SRC: variants seen among roughly 807,000 people sequenced by gnomAD.
SRC encodes proto-oncogene tyrosine-protein kinase Src.
SRC carries 13 observed loss-of-function variants against 62.9 expected under a neutral mutation model. That is an observed-to-expected ratio of 0.21 (90% CI 0.13 to 0.33). SRC has a LOEUF of 0.33. Among genes scored for constraint, SRC ranks in the 10% least tolerant of loss-of-function variants. The probability of loss-of-function intolerance (pLI) is 1.00; values close to 1 mark genes in which losing one functional copy is unlikely to be tolerated. For missense variants in SRC, 457 were observed against 737.3 expected, an observed-to-expected ratio of 0.62 and a Z score of 4.40; for synonymous variants, 302 against 317.5, an observed-to-expected ratio of 0.95 and a Z score of 0.52.
Position 37,384,532 on chromosome 20 carries a change from A to G in SRC, c.250+129A>G. The G allele has an allele frequency of 1.8e-6, 1 of 562,778 alleles. No individual in the cohort carries two copies. Among genetic ancestry groups the G allele is most frequent in the Non-Finnish European group, 2.4e-6 (1 of 419,530 alleles). 34.9% of individuals were successfully genotyped at this position (562,778 alleles called of 1,614,324 possible). ...TCGCCAGGGGTAGCGCCCCTGGGTG[A>G]CTTGGGTGTCCGGGGGGTGGGGGGG... On this transcript the variant is annotated intron_variant, in intron 4 of 13. Coordinates refer to ENST00000373578, the MANE Select transcript of SRC (RefSeq NM_198291.3). This position sits in a 1 kb window ranked among gnomAD's most constrained non-coding sequence, Gnocchi z 6.7.
chr20:37,392,904 A>C (rs1601009009), intron 5 of SRC, among the ~76,000 whole-genome samples: 2 of 146,888 alleles, frequency 1.4e-5, no homozygotes, highest in African/African-American at 2.5e-5. Context: ...GCCTCTCACC[A>C]CCCCCATCTC....
At chr20:37,371,400 T>C (rs2070163678) in intron 2 of SRC, among the ~76,000 whole-genome samples, 1 of 152,222 alleles carries the variant, frequency 6.6e-6, no homozygotes, top group South Asian at 2.1e-4. Flanking sequence ...ATAATCTTTG[T>C]TTCTTTAAGG....
rs111786850 is a variant in SRC, at chr20:37,355,469, T to C, written c.-247+9214T>C. On this transcript the variant is annotated intron_variant, in intron 1 of 13. Coordinates refer to ENST00000373578, the MANE Select transcript of SRC (RefSeq NM_198291.3). ...TAGGACTCAGTGCTGCCACTGGGAG[T>C]GGCTCCTGGGCTCTGCCCCTGGGTT... Among the ~76,000 whole-genome samples the C allele has an allele frequency of 9.6e-3, 1,461 of 152,080 alleles. 20 individuals carry two copies. Among genetic ancestry groups the C allele is most frequent in the African/African-American group, 0.033 (1,388 of 41,466 alleles).
chr20:37,397,955 A>G lies in SRC; in HGVS notation c.859+101A>G. The G allele has an allele frequency of 2.9e-6, 4 of 1,383,854 alleles. No individual in the cohort carries two copies. In the South Asian group the frequency reaches 5.7e-5, roughly 20 times the overall value. The allele number at this position is 1,383,854 out of a possible 1,614,324, so 85.7% of individuals were successfully genotyped here. On this transcript the variant is annotated intron_variant, in intron 9 of 13. Transcript: ENST00000373578. This position sits in a 1 kb window ranked among gnomAD's most constrained non-coding sequence, Gnocchi z 4.1. Reference sequence around the variant, plus strand: ...CTTTGCCTTTAGCTGCCTCTGCTGGATGACGGGGCCCTGTTGTAAATCTGG... The same window carrying G: ...CTTTGCCTTTAGCTGCCTCTGCTGGGTGACGGGGCCCTGTTGTAAATCTGG...
chr20:37,382,147 C>T (rs2147039362), intron 2 of SRC, among the ~76,000 whole-genome samples: 1 of 152,332 alleles, frequency 6.6e-6, no homozygotes, highest in Non-Finnish European at 1.5e-5. Flanking sequence ...ATTCCCAGGC[C>T]TTCTGCCTCC....
chr20:37,389,728 C>T (rs1288491697), intron 5 of SRC, among the ~76,000 whole-genome samples: 1 of 152,168 alleles, frequency 6.6e-6, no homozygotes, highest in Non-Finnish European at 1.5e-5. Context: ...CTGGCTGGCC[C>T]CAAGGATTAG....
intron 2 of SRC, among the ~76,000 whole-genome samples, chr20:37,378,059 AATTATT>A (rs967786049): frequency 6.6e-6 from 1 of 150,822 alleles, no homozygotes; most frequent in Non-Finnish European, 1.5e-5. Flanking sequence ...TTTTTTTTAA[AATTATT>A]ATTATTATTT....
intron 1 of SRC, among the ~76,000 whole-genome samples, chr20:37,347,834 A>G (rs1022770065): frequency 3.9e-5 from 6 of 152,184 alleles, no homozygotes; most frequent in African/African-American, 1.4e-4. Context: ...GGAAGCTGGA[A>G]TGAAAGCCCA....
intron 9 of SRC, among the ~76,000 whole-genome samples, chr20:37,399,548 CTT>C (rs112296863): frequency 7.8e-5 from 11 of 141,366 alleles, no homozygotes; most frequent in Non-Finnish European, 7.8e-5. Context: ...CTTTTTAGGA[CTT>C]TTTTTTTTTT....
At chr20:37,355,948 G>T (rs2069876877) in intron 1 of SRC, among the ~76,000 whole-genome samples, 1 of 152,204 alleles carries the variant, frequency 6.6e-6, no homozygotes, top group Non-Finnish European at 1.5e-5. Context: ...TTGGGCCTGG[G>T]GGTGATGAGA....
chr20:37,360,525 A>G (rs1488398043), intron 1 of SRC, among the ~76,000 whole-genome samples: 4 of 152,004 alleles, frequency 2.6e-5, no homozygotes, highest in East Asian at 3.9e-4. Flanking sequence ...GTGAGCCACC[A>G]TCTAATGGCC....
At position 37,402,357 on chromosome 20, in the gene SRC, C is replaced by T. The variant is rs1224764255; in HGVS notation, c.1117-78C>T. On this transcript the variant is annotated intron_variant, in intron 11 of 13. Coordinates refer to ENST00000373578, the MANE Select transcript of SRC (RefSeq NM_198291.3). The surrounding 1 kb of genome is among the most constrained non-coding windows in gnomAD (Gnocchi z 6.2). Reference sequence around the variant, plus strand: ...GAGGGTGGGGAAGGGGTGGTTGGCTCTCCAGCCCCAGAGTGCTCTGTGGCC... The same window carrying T: ...GAGGGTGGGGAAGGGGTGGTTGGCTTTCCAGCCCCAGAGTGCTCTGTGGCC... The T allele has an allele frequency of 4.5e-6, 7 of 1,550,680 alleles. No individual in the cohort carries two copies. In the Admixed American group the frequency reaches 1.4e-4, roughly 32 times the overall value.
Position 37,402,637 on chromosome 20 carries a change from G to T in SRC, c.1270+49G>T, listed in dbSNP as rs780665361. ...TCGCGCTTGGCCTGGGACAGGTCAC[G>T]TCCCGCTCTGAGCCCCAGTTTTTTC... On this transcript the variant is annotated intron_variant, in intron 12 of 13. Transcript: ENST00000373578. The surrounding 1 kb of genome is among the most constrained non-coding windows in gnomAD (Gnocchi z 6.2). 1 of 1,580,508 alleles carries T rather than the reference G, an allele frequency of 6.3e-7. No individual in the cohort carries two copies. The highest frequency in any genetic ancestry group is 8.6e-7 in the Non-Finnish European group (1 of 1,160,964).
intron 1 of SRC, among the ~76,000 whole-genome samples, chr20:37,346,728 G>A (rs1412016764): frequency 6.6e-6 from 1 of 152,142 alleles, no homozygotes; most frequent in African/African-American, 2.4e-5. Context: ...GCGCCAGGCC[G>A]AACTGCCAGG....
intron 1 of SRC, among the ~76,000 whole-genome samples, chr20:37,348,564 C>A (rs759033045): frequency 6.6e-6 from 1 of 152,050 alleles, no homozygotes; most frequent in Non-Finnish European, 1.5e-5. Context: ...GGTGGCAGGG[C>A]CTGAGCTGAG....
Position 37,394,270 on chromosome 20 carries a change from C to G in SRC, c.546C>G (p.Thr182=). 6.2e-7 allele frequency: 1 copy of G among 1,613,794 alleles called. No individual in the cohort carries two copies. Among genetic ancestry groups the G allele is most frequent in the Non-Finnish European group, 8.5e-7 (1 of 1,179,908 alleles). ...CCTTCCTCGTGCGAGAAAGTGAGAC[C>G]ACGAAAGGTACGAGCGCTCTTGCTG... ...RGTFLVRESE[T]TKGAYCLSVS... Residue 182 remains threonine (T), a synonymous_variant, in exon 7 of 14, where the codon ACC becomes ACG. Transcript: ENST00000373578.
At position 37,398,149 on chromosome 20, in the gene SRC, C is replaced by T. The variant is rs1303366117; in HGVS notation, c.859+295C>T. Reference sequence around the variant, plus strand: ...GCCTCACTCAGAGCCTCAGTCTTCCCGACTGTGAATGGGGCTGGTGACAGT... The same window carrying T: ...GCCTCACTCAGAGCCTCAGTCTTCCTGACTGTGAATGGGGCTGGTGACAGT... On this transcript the variant is annotated intron_variant, in intron 9 of 13. Coordinates refer to ENST00000373578, the MANE Select transcript of SRC (RefSeq NM_198291.3). This position sits in a 1 kb window ranked among gnomAD's most constrained non-coding sequence, Gnocchi z 5.2. Among the ~76,000 whole-genome samples the T allele has an allele frequency of 6.6e-6, 1 of 152,160 alleles. No individual in the cohort carries two copies. Among genetic ancestry groups the T allele is most frequent in the African/African-American group, 2.4e-5 (1 of 41,422 alleles).
rs6094417 is a variant in SRC, at chr20:37,351,947, G to C, written c.-247+5692G>C. On this transcript the variant is annotated intron_variant, in intron 1 of 13. Transcript: ENST00000373578. This position sits in a 1 kb window ranked among gnomAD's most constrained non-coding sequence, Gnocchi z 4.4. ...TAGGAGGGGTGCGGTGCTGGGGGCAGGTGACCCTGACTCTCTGGGTTCCAG... is the reference window on the plus strand; with the variant it reads ...TAGGAGGGGTGCGGTGCTGGGGGCACGTGACCCTGACTCTCTGGGTTCCAG... 2.0e-5 allele frequency among the ~76,000 whole-genome samples: 3 copies of C among 152,238 alleles called. No individual in the cohort carries two copies. The highest frequency in any genetic ancestry group is 4.8e-5 in the African/African-American group (2 of 41,466).
intron 2 of SRC, among the ~76,000 whole-genome samples, chr20:37,369,287 C>T (rs554080811): frequency 6.6e-6 from 1 of 152,248 alleles, no homozygotes; most frequent in South Asian, 2.1e-4. Flanking sequence ...AATATTTAGG[C>T]TTCTGAGCCA....
Sources: allele counts gnomAD v4.1 joint callset (sites outside exome capture counted in the v4.1 genomes callset), GRCh38; gene constraint gnomAD v4.1.1; non-coding constraint Gnocchi (gnomAD v3.1); transcripts MANE v1.5; gene names NCBI Gene and HGNC (gene_info 2026-07-23, HGNC 2026-07-21).